The following ST6GALNAC5 variants were observed in gnomAD, a reference collection of about 807,000 sequenced individuals.
ST6GALNAC5 encodes ST6 N-acetylgalactosaminide alpha-2,6-sialyltransferase 5.
Under a neutral mutation model 33.6 loss-of-function variants are expected in ST6GALNAC5, and 27 were observed. The observed-to-expected ratio is 0.80, with a 90% CI of 0.59 to 1.11. The LOEUF is 1.11. Ranked by LOEUF, ST6GALNAC5 falls within the 50% of genes least tolerant of loss-of-function variation. ST6GALNAC5 has a pLI of 0.00. For synonymous variants in ST6GALNAC5, 194 were observed against 171.2 expected, an observed-to-expected ratio of 1.13 and a Z score of -1.04; for missense variants, 428 against 454.0, an observed-to-expected ratio of 0.94 and a Z score of 0.52.
chr1:76,970,246 A>G (rs1486118427), intron 2 of ST6GALNAC5, among the ~76,000 whole-genome samples: 1 of 152,040 alleles, frequency 6.6e-6, no homozygotes, highest in Non-Finnish European at 1.5e-5. Flanking sequence ...GTCGGTAATA[A>G]CAAACTTCTC....
chr1:76,872,120 A>ACACACAC, intron 2 of ST6GALNAC5, among the ~76,000 whole-genome samples: 1 of 128,252 alleles, frequency 7.8e-6, no homozygotes, highest in South Asian at 2.4e-4. Context: ...CACACACACC[A>ACACACAC]CACACATTAA....
intron 2 of ST6GALNAC5, among the ~76,000 whole-genome samples, chr1:77,009,688 T>C (rs922053303): frequency 3.9e-5 from 6 of 152,180 alleles, no homozygotes; most frequent in Admixed American, 1.3e-4. Flanking sequence ...ATTTCTCTCC[T>C]TGCGCTTTGT....
chr1:77,026,487 G>C (rs999526717), intron 2 of ST6GALNAC5, among the ~76,000 whole-genome samples: 2 of 152,056 alleles, frequency 1.3e-5, no homozygotes, highest in African/African-American at 4.8e-5. Flanking sequence ...GCACTGGCTT[G>C]TGGAGGTGTC....
intron 2 of ST6GALNAC5, among the ~76,000 whole-genome samples, chr1:76,940,807 G>T (rs1328527436): frequency 6.6e-6 from 1 of 152,050 alleles, no homozygotes; most frequent in East Asian, 1.9e-4. Context: ...TAGAAGCTTT[G>T]GAGTGTACTG....
chr1:76,914,488 C>T (rs1290400139), intron 2 of ST6GALNAC5, among the ~76,000 whole-genome samples: 1 of 152,150 alleles, frequency 6.6e-6, no homozygotes, highest in African/African-American at 2.4e-5. Flanking sequence ...GGTACCAAAA[C>T]AGAGATATAG....
intron 2 of ST6GALNAC5, among the ~76,000 whole-genome samples, chr1:77,032,944 T>G (rs1651513011): frequency 6.6e-6 from 1 of 152,228 alleles, no homozygotes; most frequent in Admixed American, 6.5e-5. Flanking sequence ...AAGCCAGTTT[T>G]GTGGAATCGG....
At chr1:76,936,500 G>A (rs573276167) in intron 2 of ST6GALNAC5, among the ~76,000 whole-genome samples, 4 of 152,126 alleles carry the variant, frequency 2.6e-5, no homozygotes, top group African/African-American at 9.6e-5. Context: ...AAGAATAATG[G>A]CCAGTGTGAA....
chr1:76,884,635 A>C (rs1447169469), intron 2 of ST6GALNAC5, among the ~76,000 whole-genome samples: 1 of 152,178 alleles, frequency 6.6e-6, no homozygotes, highest in East Asian at 1.9e-4. Context: ...AAATGACACC[A>C]GTTTGCTTCT....
At chr1:76,879,094 A>G (rs1229304713) in intron 2 of ST6GALNAC5, among the ~76,000 whole-genome samples, 2 of 152,190 alleles carry the variant, frequency 1.3e-5, no homozygotes, top group East Asian at 3.9e-4. Context: ...TGCTGCCCTC[A>G]TAAATCTATT....
intron 2 of ST6GALNAC5, among the ~76,000 whole-genome samples, chr1:77,012,387 C>T (rs1022925054): frequency 2.0e-5 from 3 of 152,082 alleles, no homozygotes; most frequent in East Asian, 3.9e-4. Flanking sequence ...CTCCTTGCTC[C>T]GGAAATAAGG....
chr1:76,894,372 T>C (rs1038995583), intron 2 of ST6GALNAC5, among the ~76,000 whole-genome samples: 2 of 152,024 alleles, frequency 1.3e-5, no homozygotes, highest in African/African-American at 2.4e-5. Context: ...GTGGCAGCAA[T>C]GTTTGCGAGC....
rs143660196 is a variant in ST6GALNAC5, at chr1:76,993,545, G to A, written c.262-50659G>A. On this transcript the variant is annotated intron_variant, in intron 2 of 4. Coordinates refer to ENST00000477717, the MANE Select transcript of ST6GALNAC5 (RefSeq NM_030965.3). ...AGCACTATTCTTTGGTCACATGGGGGTTTAATTCCTATTTATACTTTTCTT... is the reference window on the plus strand; with the variant it reads ...AGCACTATTCTTTGGTCACATGGGGATTTAATTCCTATTTATACTTTTCTT... Among the ~76,000 whole-genome samples the A allele has an allele frequency of 1.5e-3, 230 of 152,264 alleles. 1 individual carries two copies. Among genetic ancestry groups the A allele is most frequent in the African/African-American group, 4.8e-3 (201 of 41,550 alleles).
chr1:76,977,730 A>T (rs533270673), intron 2 of ST6GALNAC5, among the ~76,000 whole-genome samples: 1 of 152,332 alleles, frequency 6.6e-6, no homozygotes, highest in African/African-American at 2.4e-5. Flanking sequence ...ATCTATGGAT[A>T]GGCATTTAGA....
chr1:76,871,240 T>C lies in ST6GALNAC5; in HGVS notation c.261+2498T>C, dbSNP rs572150862. The C allele has an allele frequency of 2.4e-4, 37 of 152,304 alleles. 1 individual carries two copies. The highest frequency in any genetic ancestry group is 8.9e-4 in the African/African-American group (37 of 41,568). 9.4% of individuals were successfully genotyped at this position (152,304 alleles called of 1,614,324 possible). On this transcript the variant is annotated intron_variant, in intron 2 of 4. Coordinates refer to ENST00000477717, the MANE Select transcript of ST6GALNAC5 (RefSeq NM_030965.3). ...ATTATATTGCCAGATGATACTCGAT[T>C]GCTAATTTTTTTTTACCCTCACATC...
intron 2 of ST6GALNAC5, among the ~76,000 whole-genome samples, chr1:76,964,771 T>C (rs1189710953): frequency 6.6e-6 from 1 of 151,984 alleles, no homozygotes; most frequent in East Asian, 1.9e-4. Context: ...CCCCACCCCA[T>C]GACAGGCCTC....
intron 2 of ST6GALNAC5, among the ~76,000 whole-genome samples, chr1:77,009,092 T>C (rs1388378611): frequency 6.6e-6 from 1 of 152,132 alleles, no homozygotes; most frequent in Non-Finnish European, 1.5e-5. Context: ...AAGCAGCCCA[T>C]CCACCACCAC....
intron 2 of ST6GALNAC5, among the ~76,000 whole-genome samples, chr1:77,036,196 C>T (rs773819027): frequency 1.3e-4 from 19 of 151,930 alleles, no homozygotes; most frequent in African/African-American, 2.2e-4. Flanking sequence ...TCCATTTATG[C>T]GAAATGTCCA....
intron 2 of ST6GALNAC5, among the ~76,000 whole-genome samples, chr1:77,032,795 C>T (rs1368663810): frequency 6.6e-6 from 1 of 152,036 alleles, no homozygotes; most frequent in Non-Finnish European, 1.5e-5. Flanking sequence ...CAGATTTTTC[C>T]CCCAATGTAA....
chr1:76,895,119 T>C (rs949965102), intron 2 of ST6GALNAC5, among the ~76,000 whole-genome samples: 21 of 152,112 alleles, frequency 1.4e-4, no homozygotes, highest in Non-Finnish European at 2.9e-4. Context: ...TCACTTCTTT[T>C]GTGGTGGAAT....
Sources: allele counts gnomAD v4.1 joint callset (sites outside exome capture counted in the v4.1 genomes callset), GRCh38; gene constraint gnomAD v4.1.1; transcripts MANE v1.5; gene names NCBI Gene and HGNC (gene_info 2026-07-23, HGNC 2026-07-21).